The following CEBPZOS variants were observed in gnomAD, a reference collection of about 807,000 sequenced individuals.
CEBPZOS encodes CEBPZ opposite strand, also known as protein CEBPZOS.
In CEBPZOS, 10 loss-of-function variants were observed where a neutral mutation model predicts 4.8. The ratio of observed to expected loss-of-function variants is 2.07; its 90% CI spans 1.28 to 3.52. The LOEUF is 3.52. Ranked by LOEUF, CEBPZOS falls within the 30% of genes most tolerant of loss-of-function variation. The probability of loss-of-function intolerance (pLI) is 0.00; values close to 1 mark genes in which losing one functional copy is unlikely to be tolerated. For missense variants in CEBPZOS, 98 were observed against 43.6 expected, an observed-to-expected ratio of 2.25 and a Z score of -3.51; for synonymous variants, 25 against 14.2, an observed-to-expected ratio of 1.77 and a Z score of -1.72.
chr2:37,206,187 C>T (rs140884543), downstream of CEBPZOS, among the ~76,000 whole-genome samples: 18 of 152,314 alleles, frequency 1.2e-4, no homozygotes, highest in African/African-American at 3.6e-4. Context: ...ACAGGACTAA[C>T]GTGCAGCTCC....
chr2:37,199,246 A>G lies in CEBPZOS; in HGVS notation c.-1-458A>G, dbSNP rs112748908. Among the ~76,000 whole-genome samples the G allele has an allele frequency of 4.7e-3, 710 of 152,294 alleles. 6 individuals are homozygous for G. The highest frequency in any genetic ancestry group is 0.017 in the African/African-American group (691 of 41,566). ...ATATGTAATAGTGTATGTTGTATTAATAAATGAAGAACTCCAGCCCTTTAG... is the reference window on the plus strand; with the variant it reads ...ATATGTAATAGTGTATGTTGTATTAGTAAATGAAGAACTCCAGCCCTTTAG... On this transcript the variant is annotated intron_variant, in intron 1 of 4. Coordinates refer to ENST00000402297, the MANE Select transcript of CEBPZOS (RefSeq NM_001322374.2).
Position 37,211,114 on chromosome 2 carries a change from T to C in CEBPZOS, c.*3-2323T>C, listed in dbSNP as rs374450191. The C allele has an allele frequency of 2.1e-5, 30 of 1,446,976 alleles. No individual in the cohort carries two copies. In the African/African-American group the frequency reaches 2.3e-4, roughly 11 times the overall value. The allele number at this position is 1,446,976 out of a possible 1,614,324, so 89.6% of individuals were successfully genotyped here. A position where few individuals can be genotyped will look rare whatever the true frequency, so the allele number is the denominator to read the frequency against. ...CACGAAAAAATTTGCTAATAAGCAA[T>C]TTAAAAACAATAAGACTGGAAAATA... On this transcript the variant is annotated intron_variant, in intron 4 of 4. Coordinates refer to the CEBPZOS transcript ENST00000397064.
At chr2:37,197,702 T>C (rs1382414565) in intron 1 of CEBPZOS, among the ~76,000 whole-genome samples, 1 of 151,684 alleles carries the variant, frequency 6.6e-6, no homozygotes. Context: ...TCATCTCTAC[T>C]AAACATACAA....
At chr2:37,196,787 G>C (rs886576914) in intron 1 of CEBPZOS, 1 of 152,422 alleles carries the variant, frequency 6.6e-6, no homozygotes, top group African/African-American at 2.4e-5. Flanking sequence ...GGGGAGAGCT[G>C]AGGGCAGCCG....
At chr2:37,213,822 T>C (rs781358635), downstream of CEBPZOS, 135 of 1,321,962 alleles carry the variant, frequency 1.0e-4, no homozygotes, top group Non-Finnish European at 1.3e-4. Flanking sequence ...TATTAACACA[T>C]AGTAGTAGAT....
At chr2:37,207,538 A>G (rs889540106), downstream of CEBPZOS, among the ~76,000 whole-genome samples, 1 of 152,212 alleles carries the variant, frequency 6.6e-6, no homozygotes, top group African/African-American at 2.4e-5. Context: ...AAATTTAATA[A>G]TCTGCTCTTG....
rs982736082 is a variant in CEBPZOS at position 37,202,718 on chromosome 2, C to T, written c.*858C>T. ...GAATAAATAAAATAACGAAAATTTC[C>T]TATCTTCTGAAGTTCCAAGCCAAAG... On this transcript the variant is annotated 3_prime_UTR_variant, in exon 5 of 5. Transcript: ENST00000402297. The T allele has an allele frequency of 1.9e-4, 101 of 532,248 alleles. No individual in the cohort carries two copies. The African/African-American group carries it at 2.1e-3, about 11-fold the overall frequency. 33.0% of individuals were successfully genotyped at this position (532,248 alleles called of 1,614,324 possible).
At chr2:37,210,803 G>A (rs541350046) in intron 4 of CEBPZOS, 1 of 470,980 alleles carries the variant, frequency 2.1e-6, no homozygotes, top group African/African-American at 2.0e-5. Context: ...TGAATGAAAA[G>A]ATGATCCAGA....
intron 4 of CEBPZOS, chr2:37,211,825 ATTT>A (rs1407458561): frequency 6.4e-7 from 1 of 1,554,590 alleles, no homozygotes; most frequent in Non-Finnish European, 8.7e-7. Flanking sequence ...TTTATGTCTT[ATTT>A]TAAAAAATGC....
chr2:37,196,672 G>C (rs1169666127), intron 1 of CEBPZOS, 152 bp downstream of exon 1: 1 of 150,106 alleles, frequency 6.7e-6, no homozygotes, highest in Non-Finnish European at 1.5e-5. Flanking sequence ...CACTGGAGGC[G>C]AGTGTTTCCG....
chr2:37,197,054 C>A (rs1000140487), intron 1 of CEBPZOS, among the ~76,000 whole-genome samples: 1 of 152,222 alleles, frequency 6.6e-6, no homozygotes, highest in Non-Finnish European at 1.5e-5. Context: ...AGCTTGTGTC[C>A]CCGAGTCAGC....
In CEBPZOS at chr2:37,201,973, T is replaced by A; in HGVS notation, c.*113T>A. ...CTCTTGGTGGTCCCACAGAACATGC[T>A]GCTGAGTCACAGGAACTTCTAGCCT... On this transcript the variant is annotated 3_prime_UTR_variant, in exon 5 of 5. Transcript: ENST00000402297. 1 of 1,464,814 alleles carries A rather than the reference T, an allele frequency of 6.8e-7. No individual in the cohort carries two copies. Among genetic ancestry groups the A allele is most frequent in the Non-Finnish European group, 9.3e-7 (1 of 1,078,292 alleles). 90.7% of individuals were successfully genotyped at this position (1,464,814 alleles called of 1,614,324 possible).
At chr2:37,214,290 ATCAAACCTAATTAACCAG>A, downstream of CEBPZOS, among the ~76,000 whole-genome samples, 1 of 152,254 alleles carries the variant, frequency 6.6e-6, no homozygotes, top group African/African-American at 2.4e-5. Context: ...AACAAGCCAA[ATCAAACCTAATTAACCAG>A]TCAACCAGAT....
chr2:37,206,361 T>A (rs1440285993), downstream of CEBPZOS, among the ~76,000 whole-genome samples: 1 of 152,262 alleles, frequency 6.6e-6, no homozygotes, highest in Non-Finnish European at 1.5e-5. Context: ...ATCTTTGTTT[T>A]TTGTTTCTTT....
intron 4 of CEBPZOS, chr2:37,213,341 T>C (rs1348202913): frequency 6.5e-6 from 1 of 153,238 alleles, no homozygotes; most frequent in Non-Finnish European, 1.5e-5. Context: ...ATATAGACTA[T>C]CCAAAGCACA....
chr2:37,214,876 T>C, downstream of CEBPZOS: 2 of 1,564,856 alleles, frequency 1.3e-6, no homozygotes, highest in Non-Finnish European at 1.8e-6. Context: ...AACTATATTA[T>C]GTATAGTACC....
chr2:37,199,969 A>T, intron 2 of CEBPZOS, 150 bp downstream of exon 2: 2 of 600,498 alleles, frequency 3.3e-6, no homozygotes, highest in Non-Finnish European at 6.0e-6. Flanking sequence ...GAATCAAAGT[A>T]TTCATTATTG....
chr2:37,198,823 T>C (rs1251462839), intron 1 of CEBPZOS, among the ~76,000 whole-genome samples: 2 of 152,146 alleles, frequency 1.3e-5, no homozygotes, highest in Non-Finnish European at 2.9e-5. Flanking sequence ...ACCCAATCAG[T>C]TTCCATCCCC....
At chr2:37,213,855 A>G, downstream of CEBPZOS, 1 of 1,579,274 alleles carries the variant, frequency 6.3e-7, no homozygotes. Context: ...AGTCAACAAA[A>G]CAAATTACCA....
Sources: gnomAD v4.1 joint callset for allele counts (sites outside exome capture counted in the v4.1 genomes callset) on GRCh38, gnomAD v4.1.1 for gene constraint, MANE v1.5 for transcripts, NCBI Gene and HGNC (gene_info 2026-07-23, HGNC 2026-07-21) for gene names.